The following GPC5 variants were observed in gnomAD, a reference collection of about 807,000 sequenced individuals.
GPC5 encodes glypican-5.
A neutral mutation model predicts 53.9 loss-of-function variants in GPC5; 47 were observed. The ratio of observed to expected loss-of-function variants is 0.87; its 90% CI spans 0.69 to 1.11. The LOEUF (loss-of-function observed/expected upper bound fraction) is 1.11, where lower values mean the gene tolerates loss of function less well. Ranked by LOEUF, GPC5 falls within the 50% of genes most tolerant of loss-of-function variation. GPC5 has a pLI of 0.00. For synonymous variants in GPC5, 286 were observed against 263.3 expected (o/e 1.09, Z -0.84); for missense variants, 748 against 713.1 (o/e 1.05, Z -0.56).
intron 7 of GPC5, among the ~76,000 whole-genome samples, chr13:92,250,743 G>C (rs979530886): frequency 6.6e-6 from 1 of 152,016 alleles, no homozygotes; most frequent in Non-Finnish European, 1.5e-5. Flanking sequence ...CTAAAAACTA[G>C]TTTTGGCTAA....
At chr13:92,584,378 C>G (rs929457219) in intron 7 of GPC5, among the ~76,000 whole-genome samples, 2 of 152,136 alleles carry the variant, frequency 1.3e-5, no homozygotes, top group African/African-American at 4.8e-5. Flanking sequence ...AGCAAAAAGA[C>G]TTGCAGGATT....
At chr13:92,363,113 G>A (rs1243818397) in intron 7 of GPC5, among the ~76,000 whole-genome samples, 2 of 151,680 alleles carry the variant, frequency 1.3e-5, no homozygotes, top group Non-Finnish European at 2.9e-5. Context: ...AAGCCTTTGG[G>A]TCAATAATGA....
intron 7 of GPC5, among the ~76,000 whole-genome samples, chr13:92,177,452 T>C (rs1371800495): frequency 6.6e-6 from 1 of 152,236 alleles, no homozygotes; most frequent in Non-Finnish European, 1.5e-5. Context: ...ATTTCAAATA[T>C]GTACCTTCAT....
chr13:92,011,375 C>T (rs2040660202), intron 6 of GPC5, among the ~76,000 whole-genome samples: 1 of 152,150 alleles, frequency 6.6e-6, no homozygotes, highest in African/African-American at 2.4e-5. Flanking sequence ...AAATATTAAA[C>T]TTTCTTGGTC....
At position 91,398,864 on chromosome 13, in the gene GPC5, C is replaced by G. The variant is rs535044366; in HGVS notation, c.-183C>G. ...AAACTCTGGTGTCTCAGCTTAGGGC[C>G]TCCTCCGGGAAGAGCTAACTGCTCC... On this transcript the variant is annotated 5_prime_UTR_variant, in exon 1 of 8. Transcript: ENST00000377067. 192 of 632,462 alleles carry G rather than the reference C, an allele frequency of 3.0e-4. No homozygotes were observed. The African/African-American group carries it at 3.4e-3, about 11-fold the overall frequency. The allele number at this position is 632,462 out of a possible 1,614,324, so 39.2% of individuals were successfully genotyped here. A position where few individuals can be genotyped will look rare whatever the true frequency, so the allele number is the denominator to read the frequency against.
chr13:92,208,049 G>T (rs2042349937), intron 7 of GPC5, among the ~76,000 whole-genome samples: 1 of 152,148 alleles, frequency 6.6e-6, no homozygotes, highest in South Asian at 2.1e-4. Context: ...TGACATTTGT[G>T]TGCCCTAGAA....
At chr13:92,783,717 T>G (rs1212301176) in intron 7 of GPC5, among the ~76,000 whole-genome samples, 1 of 152,144 alleles carries the variant, frequency 6.6e-6, no homozygotes. Context: ...TTCTTTATCT[T>G]GTAGGTTTTG....
At chr13:92,703,870 CA>C (rs1887850820) in intron 7 of GPC5, among the ~76,000 whole-genome samples, 2 of 151,952 alleles carry the variant, frequency 1.3e-5, no homozygotes, top group African/African-American at 2.4e-5. Context: ...AAATTTTACA[CA>C]CATGGGAATT....
intron 5 of GPC5, among the ~76,000 whole-genome samples, chr13:91,797,200 C>G (rs1046049471): frequency 1.3e-5 from 2 of 152,126 alleles, no homozygotes; most frequent in Non-Finnish European, 2.9e-5. Flanking sequence ...CCAGAATCCT[C>G]ATTTTTAGAT....
At chr13:91,424,358 C>T (rs1160137240) in intron 1 of GPC5, among the ~76,000 whole-genome samples, 1 of 140,784 alleles carries the variant, frequency 7.1e-6, no homozygotes, top group African/African-American at 2.6e-5. Context: ...GAATCCAGTA[C>T]TGCTTTTTTT....
rs151054899 is a variant in GPC5 at position 92,282,342 on chromosome 13, A to T, written c.1561+137353A>T. 6.1e-4 allele frequency among the ~76,000 whole-genome samples: 93 copies of T among 152,312 alleles called. 1 individual carries two copies. The highest frequency in any genetic ancestry group is 2.1e-3 in the African/African-American group (89 of 41,554). ...CACTCTGCAGGATATTATTCAGGAG[A>T]ACTTCCCCAACCTAGCAAGGCAGGC... On this transcript the variant is annotated intron_variant, in intron 7 of 7. Transcript: ENST00000377067.
intron 7 of GPC5, among the ~76,000 whole-genome samples, chr13:92,248,213 A>C (rs1041784539): frequency 2.8e-5 from 4 of 144,442 alleles, no homozygotes; most frequent in Admixed American, 7.0e-5. Flanking sequence ...AAAAAAAAAA[A>C]AACAGATTTT....
At chr13:92,226,186 C>A (rs1262670307) in intron 7 of GPC5, among the ~76,000 whole-genome samples, 2 of 152,152 alleles carry the variant, frequency 1.3e-5, no homozygotes, top group African/African-American at 4.8e-5. Context: ...GAGTCCACCC[C>A]AGCCATGCAG....
intron 7 of GPC5, among the ~76,000 whole-genome samples, chr13:92,798,246 T>A (rs947336338): frequency 6.6e-6 from 1 of 151,898 alleles, no homozygotes; most frequent in African/African-American, 2.4e-5. Flanking sequence ...GTAAGACATA[T>A]AGTTTATAAA....
intron 6 of GPC5, among the ~76,000 whole-genome samples, chr13:92,008,978 A>G (rs1274725610): frequency 6.6e-6 from 1 of 152,022 alleles, no homozygotes; most frequent in East Asian, 1.9e-4. Context: ...TGAATTATTT[A>G]TATCATATAT....
At chr13:92,310,767 A>G (rs923081172) in intron 7 of GPC5, among the ~76,000 whole-genome samples, 5 of 152,210 alleles carry the variant, frequency 3.3e-5, no homozygotes, top group Non-Finnish European at 7.4e-5. Context: ...CTAAATAGGT[A>G]TACAAAGCAT....
chr13:92,730,893 G>A (rs749893449), intron 7 of GPC5, among the ~76,000 whole-genome samples: 4 of 151,448 alleles, frequency 2.6e-5, no homozygotes, highest in African/African-American at 9.7e-5. Context: ...TTAGCGGGTG[G>A]TGAAAATTAT....
intron 6 of GPC5, among the ~76,000 whole-genome samples, chr13:91,940,383 A>G (rs2039914928): frequency 6.6e-6 from 1 of 152,032 alleles, no homozygotes; most frequent in South Asian, 2.1e-4. Flanking sequence ...TTTTCTTTAT[A>G]CAATCCATTG....
intron 6 of GPC5, among the ~76,000 whole-genome samples, chr13:91,948,261 A>G (rs918762022): frequency 9.3e-5 from 14 of 149,742 alleles, no homozygotes; most frequent in Non-Finnish European, 1.8e-4. Context: ...TAATAATAAT[A>G]AATAAATAAA....
Sources: gnomAD v4.1 joint callset for allele counts (sites outside exome capture counted in the v4.1 genomes callset) on GRCh38, gnomAD v4.1.1 for gene constraint, MANE v1.5 for transcripts, NCBI Gene and HGNC (gene_info 2026-07-23, HGNC 2026-07-21) for gene names.